CADM2: variants seen among roughly 807,000 people sequenced by gnomAD.
CADM2 encodes the protein cell adhesion molecule 2.
CADM2 carries 12 observed loss-of-function variants against 49.8 expected under a neutral mutation model. That is an observed-to-expected ratio of 0.24 (90% CI 0.15 to 0.39). The LOEUF is 0.39. Among genes scored for constraint, CADM2 ranks in the 10% least tolerant of loss-of-function variants. CADM2 has a pLI of 1.00. For synonymous variants in CADM2, 214 were observed against 175.4 expected (o/e 1.22, Z -1.74); for missense variants, 378 against 492.3 (o/e 0.77, Z 2.20).
intron 1 of CADM2, among the ~76,000 whole-genome samples, chr3:85,198,583 G>T (rs1000574815): frequency 1.3e-5 from 2 of 151,642 alleles, no homozygotes; most frequent in East Asian, 3.9e-4. Context: ...AGCAGGAATA[G>T]TCACTTATCT....
chr3:84,993,929 C>T (rs567668076), intron 1 of CADM2, among the ~76,000 whole-genome samples: 226 of 152,184 alleles, frequency 1.5e-3, no homozygotes, highest in Non-Finnish European at 2.8e-3. Flanking sequence ...TAGTGATACA[C>T]CCCCAAAATA....
intron 8 of CADM2, among the ~76,000 whole-genome samples, chr3:86,054,706 C>T (rs1245502434): frequency 2.0e-5 from 3 of 151,268 alleles, no homozygotes; most frequent in African/African-American, 7.3e-5. Flanking sequence ...TATAATCAAG[C>T]CATGTGTCTT....
intron 1 of CADM2, among the ~76,000 whole-genome samples, chr3:85,231,384 G>T (rs1280075087): frequency 6.6e-6 from 1 of 151,922 alleles, no homozygotes; most frequent in Admixed American, 6.6e-5. Context: ...GTTTCAAAGA[G>T]CTCTGTGTAG....
intron 6 of CADM2, among the ~76,000 whole-genome samples, chr3:85,928,227 C>T (rs1193267179): frequency 1.3e-5 from 2 of 149,494 alleles, no homozygotes; most frequent in African/African-American, 2.5e-5. Context: ...GGCACGATCT[C>T]GGCTCACTGT....
rs2072919935 is a variant in CADM2 at position 85,812,115 on chromosome 3, C to T, written c.238+9919C>T. 2.6e-5 allele frequency among the ~76,000 whole-genome samples: 4 copies of T among 151,986 alleles called. No homozygotes were observed. The South Asian group carries it at 8.3e-4, about 32-fold the overall frequency. On this transcript the variant is annotated intron_variant, in intron 3 of 9. Coordinates refer to ENST00000383699, the MANE Select transcript of CADM2 (RefSeq NM_001167675.2). ...ATTTTGGCATCAAGTGTCAAGTTGT[C>T]AGGTACCATCTATATATGGGTGTGG...
intron 1 of CADM2, among the ~76,000 whole-genome samples, chr3:85,658,566 G>A (rs571058434): frequency 3.5e-4 from 23 of 65,326 alleles, no homozygotes; most frequent in African/African-American, 9.7e-4. Context: ...TAAATATATT[G>A]GATATATGTG....
intron 1 of CADM2, among the ~76,000 whole-genome samples, chr3:85,048,860 G>A (rs2035767259): frequency 6.6e-6 from 1 of 152,146 alleles, no homozygotes; most frequent in African/African-American, 2.4e-5. Flanking sequence ...AGAAAATACA[G>A]AATGCACAAT....
chr3:85,067,172 G>C (rs1412784119), intron 1 of CADM2, among the ~76,000 whole-genome samples: 1 of 152,014 alleles, frequency 6.6e-6, no homozygotes, highest in Admixed American at 6.6e-5. Context: ...ATCTCTGAAT[G>C]TTCATAATAT....
At chr3:85,584,495 T>A (rs143715031) in intron 1 of CADM2, among the ~76,000 whole-genome samples, 1 of 152,130 alleles carries the variant, frequency 6.6e-6, no homozygotes, top group Non-Finnish European at 1.5e-5. Context: ...ATATATGTTA[T>A]GGTGCTTGCC....
At chr3:85,337,535 C>A (rs750627968) in intron 1 of CADM2, among the ~76,000 whole-genome samples, 3 of 151,274 alleles carry the variant, frequency 2.0e-5, no homozygotes, top group Non-Finnish European at 4.4e-5. Flanking sequence ...TTCAAATAAC[C>A]ATTTATCATA....
At chr3:85,001,302 C>T (rs1289507009) in intron 1 of CADM2, among the ~76,000 whole-genome samples, 1 of 151,808 alleles carries the variant, frequency 6.6e-6, no homozygotes. Flanking sequence ...CCTGATAATT[C>T]TATTTTTAAT....
chr3:85,801,287 T>C (rs1426931131), intron 2 of CADM2, among the ~76,000 whole-genome samples: 1 of 152,172 alleles, frequency 6.6e-6, no homozygotes, highest in Non-Finnish European at 1.5e-5. Flanking sequence ...CTTGATTACA[T>C]ACTGATGATA....
At chr3:85,834,457 A>G (rs1002230691) in intron 3 of CADM2, among the ~76,000 whole-genome samples, 1 of 151,728 alleles carries the variant, frequency 6.6e-6, no homozygotes, top group South Asian at 2.1e-4. Context: ...ACATGAGGGT[A>G]TAAGTAGAAA....
At chr3:85,568,471 C>T (rs201533124) in intron 1 of CADM2, among the ~76,000 whole-genome samples, 283 of 9,954 alleles carry the variant, frequency 0.028, 13 homozygotes, top group African/African-American at 0.05. Flanking sequence ...TTCTCTTTCT[C>T]TCTCTTTCTT....
chr3:85,754,180 T>C (rs970505274), intron 2 of CADM2, among the ~76,000 whole-genome samples: 1 of 152,196 alleles, frequency 6.6e-6, no homozygotes, highest in Non-Finnish European at 1.5e-5. Flanking sequence ...TTTTGTCTCT[T>C]AATGTGCACA....
chr3:85,220,981 A>T (rs1468978203), intron 1 of CADM2, among the ~76,000 whole-genome samples: 2 of 152,292 alleles, frequency 1.3e-5, no homozygotes, highest in East Asian at 3.9e-4. Context: ...ATGCTTTGTC[A>T]TTGTTAGATG....
chr3:85,668,083 A>G (rs1577052099), intron 1 of CADM2, among the ~76,000 whole-genome samples: 2 of 151,964 alleles, frequency 1.3e-5, no homozygotes, highest in East Asian at 1.9e-4. Flanking sequence ...AGTCGTTTTT[A>G]TAGCAAGTTT....
chr3:84,985,469 A>G (rs1026073681), intron 1 of CADM2, among the ~76,000 whole-genome samples: 46 of 152,160 alleles, frequency 3.0e-4, no homozygotes, highest in Admixed American at 1.3e-3. Context: ...GGTTAAGCTA[A>G]TGAGGTAATA....
chr3:85,127,331 A>T (rs568105364), intron 1 of CADM2, among the ~76,000 whole-genome samples: 1 of 152,326 alleles, frequency 6.6e-6, no homozygotes, highest in African/African-American at 2.4e-5. Flanking sequence ...TTTTATTACA[A>T]TTGTTGTCCT....
Sources: allele counts gnomAD v4.1 joint callset (sites outside exome capture counted in the v4.1 genomes callset), GRCh38; gene constraint gnomAD v4.1.1; transcripts MANE v1.5; gene names NCBI Gene and HGNC (gene_info 2026-07-23, HGNC 2026-07-21).